The following PDK3 variants were observed in gnomAD, a reference collection of about 807,000 sequenced individuals.
The protein encoded by PDK3 is pyruvate dehydrogenase kinase 3.
In PDK3, 12 loss-of-function variants were observed where a neutral mutation model predicts 32.0. That is an observed-to-expected ratio of 0.37 (90% CI 0.24 to 0.61). The LOEUF is 0.61. PDK3 is among the 20% of genes least tolerant of loss of function. The pLI is 0.65. For synonymous variants in PDK3, 122 were observed against 116.3 expected, an observed-to-expected ratio of 1.05 and a Z score of -0.31; for missense variants, 188 against 316.9, an observed-to-expected ratio of 0.59 and a Z score of 3.09.
At chrX:24,479,628 CA>C (rs940213163) in intron 1 of PDK3, among the ~76,000 whole-genome samples, 10 of 108,578 alleles carry the variant, frequency 9.2e-5, no homozygotes, top group African/African-American at 3.4e-4. Flanking sequence ...TAATAAAATA[CA>C]AAAAAAAATT....
At chrX:24,518,794 G>A in intron 5 of PDK3, 139 bp from the exon 6 acceptor site, 1 of 357,508 alleles carries the variant, frequency 2.8e-6, no homozygotes, top group South Asian at 1.0e-4. Context: ...CATCCGTTTA[G>A]ACAGTTTATC....
chrX:24,477,168 C>G (rs774062704), intron 1 of PDK3, among the ~76,000 whole-genome samples: 34 of 111,950 alleles, frequency 3.0e-4, no homozygotes, highest in African/African-American at 1.0e-3. Flanking sequence ...TTTAATTTAT[C>G]CAGGGCTGTC....
chrX:24,465,557 C>T lies in PDK3; in HGVS notation c.102C>T (p.Asp34=). 8.4e-7 allele frequency: 1 copy of T among 1,192,127 alleles called. No homozygotes were observed. The highest frequency in any genetic ancestry group is 1.1e-6 in the Non-Finnish European group (1 of 878,404). The change falls in exon 1 of 11, where the codon GAC becomes GAT. Residue 34 remains aspartate (D), a synonymous_variant. Transcript: ENST00000379162. ...CGCTCTCCATCAAACAATTCCTGGA[C>T]TTCGGTGAGTACGGGGCCAAGGGTC... The part of the protein sequence containing the change: ...PSPLSIKQFL[D]FGRDNACEKT...
At chrX:24,535,784 A>T (rs1399113052), downstream of PDK3, among the ~76,000 whole-genome samples, 7 of 109,691 alleles carry the variant, frequency 6.4e-5, no homozygotes, top group Non-Finnish European at 1.1e-4. Flanking sequence ...TCCTGGCTTC[A>T]AGTGATTCTC....
rs1190612279 is a variant in PDK3 at position 24,492,557 on chromosome X, C to T, written c.107-2185C>T. ...TAAGCGGAGATCATGCCACTGCACT[C>T]CAGCCTGGGTGACAGTGAGATTCTG... On this transcript the variant is annotated intron_variant, in intron 1 of 10. Coordinates refer to ENST00000379162, the MANE Select transcript of PDK3 (RefSeq NM_005391.5). 2.7e-5 allele frequency among the ~76,000 whole-genome samples: 3 copies of T among 111,236 alleles called. No individual in the cohort carries two copies. In the East Asian group the frequency reaches 8.5e-4, roughly 31 times the overall value.
rs1921670100 is a variant in PDK3, at chrX:24,495,199, GT to G, written c.248+320del. 2.7e-5 allele frequency among the ~76,000 whole-genome samples: 3 copies of G among 112,025 alleles called. No individual in the cohort carries two copies. In the South Asian group the frequency reaches 1.1e-3, roughly 41 times the overall value. On this transcript the variant is annotated intron_variant, in intron 2 of 10. Transcript: ENST00000379162. ...ATCAAGTCTTAACCTTACTCCTTTC[GT>G]TTTCCTTGTAAAGACATTCCTTGAA... is the stretch of plus-strand genomic sequence containing the variant.
intron 10 of PDK3, among the ~76,000 whole-genome samples, chrX:24,533,139 C>CT (rs35816110): frequency 0.013 from 1,178 of 92,994 alleles, 15 homozygotes; most frequent in East Asian, 0.063. Context: ...CTTTCTTTTT[C>CT]TTTTTTTTTT....
At chrX:24,507,654 G>A (rs1051350940) in intron 5 of PDK3, among the ~76,000 whole-genome samples, 10 of 112,160 alleles carry the variant, frequency 8.9e-5, no homozygotes, top group Middle Eastern at 4.6e-3. Context: ...TATATAATAG[G>A]TTGGTGCCTT....
chrX:24,487,078 C>T (rs1445168306), intron 1 of PDK3, among the ~76,000 whole-genome samples: 1 of 112,563 alleles, frequency 8.9e-6, no homozygotes, highest in Non-Finnish European at 1.9e-5. Context: ...CAGTGAGAAA[C>T]TGCTCATGAA....
At chrX:24,505,885 C>T (rs772823938) in intron 5 of PDK3, among the ~76,000 whole-genome samples, 3 of 111,705 alleles carry the variant, frequency 2.7e-5, no homozygotes, top group African/African-American at 9.7e-5. Context: ...AAGAAACCTT[C>T]CTGGTTGTGA....
intron 1 of PDK3, among the ~76,000 whole-genome samples, chrX:24,479,292 A>G (rs1019484019): frequency 8.9e-6 from 1 of 112,194 alleles, no homozygotes; most frequent in African/African-American, 3.2e-5. Flanking sequence ...TTTATTTGTA[A>G]TAGACTCTTC....
At position 24,487,807 on chromosome X, in the gene PDK3, A is replaced by G. The variant is rs141495079; in HGVS notation, c.107-6935A>G. Among the ~76,000 whole-genome samples, 8 of 109,922 alleles carry G rather than the reference A, an allele frequency of 7.3e-5. No individual in the cohort carries two copies. The East Asian group carries it at 2.3e-3, about 31-fold the overall frequency. ...CAATGGACAAAGAAAGCCTTCAAGTAATCCAGACAGAGGAGACTCTACATT... is the reference window on the plus strand; with the variant it reads ...CAATGGACAAAGAAAGCCTTCAAGTGATCCAGACAGAGGAGACTCTACATT... On this transcript the variant is annotated intron_variant, in intron 1 of 10. Coordinates refer to ENST00000379162, the MANE Select transcript of PDK3 (RefSeq NM_005391.5).
chrX:24,504,628 G>T (rs950401081), intron 4 of PDK3, among the ~76,000 whole-genome samples: 5 of 111,702 alleles, frequency 4.5e-5, no homozygotes, highest in African/African-American at 1.6e-4. Flanking sequence ...TTTCTTTGGG[G>T]CTTCTTTTGG....
At chrX:24,491,708 A>C (rs1921566122) in intron 1 of PDK3, among the ~76,000 whole-genome samples, 1 of 111,457 alleles carries the variant, frequency 9.0e-6, no homozygotes, top group South Asian at 3.7e-4. Context: ...TAATCCCAGC[A>C]CTTTGGGAGG....
chrX:24,480,107 G>A (rs918177955), intron 1 of PDK3, among the ~76,000 whole-genome samples: 1 of 111,376 alleles, frequency 9.0e-6, no homozygotes, highest in African/African-American at 3.3e-5. Flanking sequence ...CATTGTCACC[G>A]CCTCCCAAGC....
At chrX:24,481,466 T>C (rs753541256) in intron 1 of PDK3, among the ~76,000 whole-genome samples, 1 of 112,353 alleles carries the variant, frequency 8.9e-6, no homozygotes, top group South Asian at 3.6e-4. Flanking sequence ...ACAAAAATCT[T>C]ATCCTCTTAG....
intron 5 of PDK3, among the ~76,000 whole-genome samples, chrX:24,508,312 A>G (rs1407354809): frequency 7.2e-5 from 8 of 110,749 alleles, no homozygotes; most frequent in Non-Finnish European, 7.6e-5. Context: ...TGATCCAATC[A>G]CCTCCCACAA....
chrX:24,486,995 C>T (rs954571253), intron 1 of PDK3, among the ~76,000 whole-genome samples: 3 of 112,173 alleles, frequency 2.7e-5, no homozygotes, highest in African/African-American at 9.7e-5. Context: ...TCCAAATCTG[C>T]AGCCTATTTT....
rs58511156 is a variant in PDK3 at position 24,470,687 on chromosome X, CAAA to C, written c.106+5147_106+5149del. ...GGGTGACAAGAGTGAAACGGCATCT[CAAA>C]AAAAAAAAAAAAAAAAAAAAGAAGA... On this transcript the variant is annotated intron_variant, in intron 1 of 10. Transcript: ENST00000379162. Among the ~76,000 whole-genome samples, 9 of 26,283 alleles carry C rather than the reference CAAA, an allele frequency of 3.4e-4. No individual in the cohort carries two copies. In the South Asian group the frequency reaches 0.016, roughly 48 times the overall value. The allele number at this position is 26,283 out of a possible 115,157, so 22.8% of individuals were successfully genotyped here.
Sources: allele counts gnomAD v4.1 joint callset (sites outside exome capture counted in the v4.1 genomes callset), GRCh38; gene constraint gnomAD v4.1.1; transcripts MANE v1.5; gene names NCBI Gene and HGNC (gene_info 2026-07-23, HGNC 2026-07-21).